KIAA1217: variants seen among roughly 807,000 people sequenced by gnomAD.
KIAA1217 encodes the protein sickle tail protein homolog.
Under a neutral mutation model 163.9 loss-of-function variants are expected in KIAA1217, and 88 were observed. That is an observed-to-expected ratio of 0.54 (90% confidence interval 0.45 to 0.64). KIAA1217 has a LOEUF of 0.64. Among genes scored for constraint, KIAA1217 ranks in the 30% least tolerant of loss-of-function variants. KIAA1217 has a pLI of 0.00. For synonymous variants in KIAA1217, 903 were observed against 923.1 expected, an observed-to-expected ratio of 0.98 and a Z score of 0.39; for missense variants, 2,372 against 2,475.0, an observed-to-expected ratio of 0.96 and a Z score of 0.88.
intron 3 of KIAA1217, among the ~76,000 whole-genome samples, chr10:24,420,505 C>T (rs896524824): frequency 6.6e-6 from 1 of 152,072 alleles, no homozygotes; most frequent in African/African-American, 2.4e-5. Context: ...AGTTCAAAAT[C>T]CTCATTTCAA....
Position 24,545,833 on chromosome 10 carries a change from G to A in KIAA1217, c.5341G>A (p.Gly1781Arg). The change falls in exon 21 of 21, where the codon GGA becomes AGA. Residue 1781 changes from glycine (G) to arginine (R), a missense_variant. Physicochemically the swap from Gly to Arg is moderately radical, Grantham distance 125. Around this residue, in one of 3 missense-constraint regions of KIAA1217, gnomAD observed 690 missense variants for 677.5 expected, o/e 1.02. Transcript: ENST00000376454. The part of the protein sequence containing the change: ...QDPRQYRQAN[G>R]SAKKSGGDFK... ...CCGCCATCTTTATTTGCAGGCTAATGGAAGTGCTAAGAAATCTGGTGGGGA... is the reference window on the plus strand; with the variant it reads ...CCGCCATCTTTATTTGCAGGCTAATAGAAGTGCTAAGAAATCTGGTGGGGA... 5 of 1,588,776 alleles carry A rather than the reference G, an allele frequency of 3.1e-6. No individual in the cohort carries two copies. The South Asian group carries it at 3.5e-5, about 11-fold the overall frequency.
At chr10:24,028,463 C>G (rs776884694) in intron 2 of KIAA1217, among the ~76,000 whole-genome samples, 1 of 152,070 alleles carries the variant, frequency 6.6e-6, no homozygotes, top group Non-Finnish European at 1.5e-5. Flanking sequence ...TACTTGATAA[C>G]ATTTATGTCG....
intron 2 of KIAA1217, among the ~76,000 whole-genome samples, chr10:24,161,247 A>C (rs2065105775): frequency 6.6e-6 from 1 of 152,216 alleles, no homozygotes; most frequent in African/African-American, 2.4e-5. Flanking sequence ...AATGTTAAGA[A>C]CAGAGAGCAA....
chr10:24,277,874 G>T (rs894387604), intron 2 of KIAA1217, among the ~76,000 whole-genome samples: 1 of 152,226 alleles, frequency 6.6e-6, no homozygotes, highest in Non-Finnish European at 1.5e-5. Flanking sequence ...CTCACCCTCT[G>T]ACGGGCAAAA....
Position 24,499,353 on chromosome 10 carries a change from G to A in KIAA1217, c.1835-2026G>A, listed in dbSNP as rs563256012. On this transcript the variant is annotated intron_variant, in intron 8 of 20. Transcript: ENST00000376454. ...CAGAGATGACAAATCTTGCTCTTTC[G>A]AGGATGATTTTGATTTGAGGGGTGG... Among the ~76,000 whole-genome samples, 108 of 152,334 alleles carry A rather than the reference G, an allele frequency of 7.1e-4. 1 individual carries two copies. Among genetic ancestry groups the A allele is most frequent in the African/African-American group, 2.3e-3 (96 of 41,566 alleles).
chr10:23,836,191 A>G (rs1392664409), intron 1 of KIAA1217, among the ~76,000 whole-genome samples: 1 of 152,118 alleles, frequency 6.6e-6, no homozygotes, highest in East Asian at 1.9e-4. Flanking sequence ...TTAAATGTAT[A>G]TTTTTTATTT....
At chr10:23,793,336 G>A (rs969465119) in intron 1 of KIAA1217, among the ~76,000 whole-genome samples, 5 of 152,122 alleles carry the variant, frequency 3.3e-5, no homozygotes, top group Admixed American at 3.3e-4. Flanking sequence ...CAGATAGCAC[G>A]TCCCCGGTGC....
chr10:24,216,235 G>C (rs1406735207), intron 1 of KIAA1217, among the ~76,000 whole-genome samples: 1 of 152,156 alleles, frequency 6.6e-6, no homozygotes, highest in Non-Finnish European at 1.5e-5. Context: ...AGAAGAAAGA[G>C]GGTTTATTGT....
chr10:23,846,522 GCTCT>G (rs1839038978), intron 1 of KIAA1217, among the ~76,000 whole-genome samples: 1 of 151,808 alleles, frequency 6.6e-6, no homozygotes, highest in Non-Finnish European at 1.5e-5. Flanking sequence ...TCATGATTTG[GCTCT>G]CTGTTTGTCT....
chr10:24,195,600 G>A (rs994617796), intron 2 of KIAA1217, among the ~76,000 whole-genome samples: 1 of 152,172 alleles, frequency 6.6e-6, no homozygotes, highest in Non-Finnish European at 1.5e-5. Flanking sequence ...GAGCCACTAA[G>A]ATAATATGTG....
chr10:23,980,254 G>A (rs1361777596), intron 1 of KIAA1217, among the ~76,000 whole-genome samples: 2 of 152,158 alleles, frequency 1.3e-5, no homozygotes, highest in Non-Finnish European at 2.9e-5. Context: ...GGTGGGAGGG[G>A]CTGAGTGTGC....
At chr10:24,394,834 C>T (rs758371985) in intron 3 of KIAA1217, among the ~76,000 whole-genome samples, 2 of 152,186 alleles carry the variant, frequency 1.3e-5, no homozygotes, top group African/African-American at 2.4e-5. Flanking sequence ...AGCACCCCTG[C>T]TGCCGGTCTC....
chr10:23,983,180 G>A (rs1194904202), intron 1 of KIAA1217, among the ~76,000 whole-genome samples: 7 of 152,058 alleles, frequency 4.6e-5, no homozygotes, highest in Non-Finnish European at 7.3e-5. Flanking sequence ...ATCATAGAGC[G>A]AAGCCCAAAT....
At chr10:24,139,999 C>T (rs2063987201) in intron 2 of KIAA1217, among the ~76,000 whole-genome samples, 1 of 151,854 alleles carries the variant, frequency 6.6e-6, no homozygotes, top group African/African-American at 2.4e-5. Flanking sequence ...TTGGCAACCT[C>T]AGCATACTTT....
intron 2 of KIAA1217, among the ~76,000 whole-genome samples, chr10:24,350,854 AAG>A (rs1373228136): frequency 5.3e-5 from 8 of 151,306 alleles, no homozygotes; most frequent in South Asian, 4.2e-4. Flanking sequence ...GCTAACTGAT[AAG>A]ATCTTAATTG....
At chr10:24,305,354 C>A (rs1252537855) in intron 2 of KIAA1217, among the ~76,000 whole-genome samples, 1 of 152,114 alleles carries the variant, frequency 6.6e-6, no homozygotes, top group African/African-American at 2.4e-5. Flanking sequence ...AGACATGAAT[C>A]TCAAGCTTCT....
At chr10:24,524,798 A>T in intron 13 of KIAA1217, 34 bp downstream of exon 13, 1 of 1,520,024 alleles carries the variant, frequency 6.6e-7, no homozygotes, top group Non-Finnish European at 8.9e-7. Context: ...ATAACCCCAT[A>T]AAGGAGTCTG....
chr10:24,100,459 A>G (rs2062368261), intron 2 of KIAA1217, among the ~76,000 whole-genome samples: 1 of 152,358 alleles, frequency 6.6e-6, no homozygotes, highest in South Asian at 2.1e-4. Context: ...TAACAGTAAA[A>G]TCAACATAAC....
intron 16 of KIAA1217, among the ~76,000 whole-genome samples, chr10:24,533,618 G>A (rs767226331): frequency 1.5e-4 from 23 of 152,164 alleles, no homozygotes; most frequent in Non-Finnish European, 2.6e-4. Flanking sequence ...GTGGGTTCCC[G>A]TTCCTTGGCT....
Sources: gnomAD v4.1 joint callset for allele counts (sites outside exome capture counted in the v4.1 genomes callset) on GRCh38, gnomAD v4.1.1 for gene constraint, gnomAD v4.1.1 regional missense constraint, MANE v1.5 for transcripts, NCBI Gene and HGNC (gene_info 2026-07-23, HGNC 2026-07-21) for gene names.